SLIT2: variants seen among roughly 807,000 people sequenced by gnomAD.
SLIT2 encodes slit guidance ligand 2, also known as slit homolog 2 protein.
In SLIT2, 41 loss-of-function variants were observed where a neutral mutation model predicts 185.7. The ratio of observed to expected loss-of-function variants is 0.22; its 90% CI spans 0.17 to 0.29. The LOEUF (loss-of-function observed/expected upper bound fraction) is 0.29. Among genes scored for constraint, SLIT2 ranks in the 10% least tolerant of loss-of-function variants. The pLI is 1.00. For missense variants in SLIT2, 1,571 were observed against 1,909.0 expected (o/e 0.82, Z 3.30); for synonymous variants, 693 against 680.2 (o/e 1.02, Z -0.29).
chr4:20,390,666 A>T (rs1335267605), intron 4 of SLIT2, among the ~76,000 whole-genome samples: 1 of 152,004 alleles, frequency 6.6e-6, no homozygotes, highest in Non-Finnish European at 1.5e-5. Context: ...TTAGGATTAA[A>T]ATTTATTAAA....
rs151122672 is a variant in SLIT2, at chr4:20,375,927, C to T, written c.396-91825C>T. ...TCTTAGAACTTGTACAGAACCACCACGAGCTTGTCATTATGTGCATTATAG... is the reference window on the plus strand; with the variant it reads ...TCTTAGAACTTGTACAGAACCACCATGAGCTTGTCATTATGTGCATTATAG... On this transcript the variant is annotated intron_variant, in intron 4 of 36. Coordinates refer to ENST00000504154, the MANE Select transcript of SLIT2 (RefSeq NM_004787.4). Among the ~76,000 whole-genome samples the T allele has an allele frequency of 8.9e-3, 1,360 of 151,992 alleles. 12 individuals carry two copies. The highest frequency in any genetic ancestry group is 0.014 in the Non-Finnish European group (928 of 67,924).
rs1578039058 is a variant in SLIT2 at position 20,620,454 on chromosome 4, A to G, written c.*1445A>G. ...TCTTCCTGAAAACTTCTTTTTTTACAAAGAAAATTAGATGTACATGTATAA... is the reference window on the plus strand; with the variant it reads ...TCTTCCTGAAAACTTCTTTTTTTACGAAGAAAATTAGATGTACATGTATAA... On this transcript the variant is annotated 3_prime_UTR_variant, in exon 37 of 37. Coordinates refer to ENST00000504154, the MANE Select transcript of SLIT2 (RefSeq NM_004787.4). 2.2e-6 allele frequency: 1 copy of G among 453,994 alleles called. No individual in the cohort carries two copies. Among genetic ancestry groups the G allele is most frequent in the African/African-American group, 2.0e-5 (1 of 50,044 alleles). 28.1% of individuals were successfully genotyped at this position (453,994 alleles called of 1,614,324 possible).
chr4:20,506,353 G>A (rs540652452), intron 9 of SLIT2, among the ~76,000 whole-genome samples: 45 of 151,968 alleles, frequency 3.0e-4, no homozygotes, highest in African/African-American at 9.6e-4. Context: ...ATATCTTAGC[G>A]ATTATACTAT....
intron 4 of SLIT2, among the ~76,000 whole-genome samples, chr4:20,363,021 G>A (rs1456806307): frequency 1.3e-5 from 2 of 152,106 alleles, no homozygotes; most frequent in Admixed American, 1.3e-4. Flanking sequence ...AACAATAAGA[G>A]CACTCGTGGC....
At chr4:20,471,167 C>A (rs1488956981) in intron 5 of SLIT2, among the ~76,000 whole-genome samples, 1 of 152,058 alleles carries the variant, frequency 6.6e-6, no homozygotes, top group Non-Finnish European at 1.5e-5. Context: ...AGGATCACAG[C>A]TGCAATATTA....
intron 22 of SLIT2, among the ~76,000 whole-genome samples, chr4:20,548,236 C>G (rs1480842424): frequency 6.6e-6 from 1 of 152,078 alleles, no homozygotes; most frequent in Non-Finnish European, 1.5e-5. Flanking sequence ...CAACCCCTTG[C>G]ACGTACACTA....
At chr4:20,296,229 C>T (rs1474729481) in intron 4 of SLIT2, among the ~76,000 whole-genome samples, 4 of 152,020 alleles carry the variant, frequency 2.6e-5, no homozygotes. Flanking sequence ...CACATACTTA[C>T]AGTAATTTCA....
intron 21 of SLIT2, among the ~76,000 whole-genome samples, chr4:20,545,797 T>C (rs1723195694): frequency 6.6e-6 from 1 of 151,728 alleles, no homozygotes; most frequent in Admixed American, 6.6e-5. Flanking sequence ...CACAGATGGC[T>C]AAATGCTGGG....
intron 9 of SLIT2, among the ~76,000 whole-genome samples, chr4:20,495,381 A>G (rs1254943867): frequency 6.6e-6 from 1 of 152,194 alleles, no homozygotes; most frequent in Non-Finnish European, 1.5e-5. Context: ...TGGACACAGG[A>G]GCGAATTGGT....
chr4:20,380,084 G>A (rs2109339438), intron 4 of SLIT2, among the ~76,000 whole-genome samples: 1 of 152,194 alleles, frequency 6.6e-6, no homozygotes, highest in East Asian at 1.9e-4. Flanking sequence ...AGTATGTAGA[G>A]CAACTTCAAG....
chr4:20,527,315 T>C (rs2148854595), intron 15 of SLIT2, among the ~76,000 whole-genome samples: 1 of 151,410 alleles, frequency 6.6e-6, no homozygotes, highest in South Asian at 2.1e-4. Flanking sequence ...GGAGATGGAG[T>C]CTCGCTGTCT....
intron 24 of SLIT2, among the ~76,000 whole-genome samples, chr4:20,550,360 A>T (rs932522574): frequency 7.0e-6 from 1 of 142,862 alleles, no homozygotes; most frequent in African/African-American, 2.6e-5. Context: ...ACTTTACTCT[A>T]TGCTTGCAGG....
chr4:20,444,759 C>G (rs1382758849), intron 4 of SLIT2, among the ~76,000 whole-genome samples: 4 of 152,094 alleles, frequency 2.6e-5, no homozygotes, highest in Non-Finnish European at 5.9e-5. Context: ...GTTTTCTTGG[C>G]CTGCCAGTTT....
At chr4:20,596,362 T>A in intron 31 of SLIT2, 53 bp from the exon 32 acceptor site, 1 of 1,553,594 alleles carries the variant, frequency 6.4e-7, no homozygotes, top group Non-Finnish European at 8.8e-7. Context: ...CAATTCAGAT[T>A]GGCAATTAAG....
intron 29 of SLIT2, among the ~76,000 whole-genome samples, chr4:20,580,165 A>T (rs889877669): frequency 1.3e-5 from 2 of 149,922 alleles, no homozygotes; most frequent in Non-Finnish European, 3.0e-5. Flanking sequence ...GGTTCAAGCG[A>T]TTCTCTTGCC....
rs781173805 is a variant in SLIT2, at chr4:20,268,863, C to T, written c.377C>T (p.Thr126Ile). Reference protein sequence around the residue: ...QLFPELLFLGTAKLYRLDLSE... With the variant: ...QLFPELLFLGIAKLYRLDLSE... ...TTTCCTGAGTTGCTGTTTCTTGGGA[C>T]TGCGAAGCTATACAGGCTGTAAGTA... Residue 126 changes from threonine to isoleucine, a missense_variant, in exon 4 of 37, where the codon ACT (threonine) becomes ATT (isoleucine). Coordinates refer to ENST00000504154, the MANE Select transcript of SLIT2 (RefSeq NM_004787.4). The T allele has an allele frequency of 3.7e-6, 6 of 1,607,000 alleles. No individual in the cohort carries two copies. The Admixed American group carries it at 1.0e-4, about 27-fold the overall frequency.
chr4:20,391,965 C>T (rs1438138477), intron 4 of SLIT2, among the ~76,000 whole-genome samples: 2 of 152,064 alleles, frequency 1.3e-5, no homozygotes, highest in Non-Finnish European at 2.9e-5. Flanking sequence ...AGAGATCACT[C>T]ATCAGTTCAG....
intron 9 of SLIT2, among the ~76,000 whole-genome samples, chr4:20,494,341 C>G (rs1426049779): frequency 1.3e-5 from 2 of 152,100 alleles, no homozygotes; most frequent in African/African-American, 4.8e-5. Flanking sequence ...CCAGACTCTG[C>G]CAGAGTTTCA....
intron 3 of SLIT2, among the ~76,000 whole-genome samples, chr4:20,265,673 T>C (rs1045835317): frequency 6.6e-6 from 1 of 151,858 alleles, no homozygotes; most frequent in Non-Finnish European, 1.5e-5. Context: ...TTTTCTGAAA[T>C]TTAAAATACC....
Sources: gnomAD v4.1 joint callset for allele counts (sites outside exome capture counted in the v4.1 genomes callset) on GRCh38, gnomAD v4.1.1 for gene constraint, MANE v1.5 for transcripts, NCBI Gene and HGNC (gene_info 2026-07-23, HGNC 2026-07-21) for gene names.